The following MCPH1 variants were observed in gnomAD, a reference collection of about 807,000 sequenced individuals.
The protein encoded by MCPH1 is microcephalin 1, also known as microcephalin.
Under a neutral mutation model 84.5 loss-of-function variants are expected in MCPH1, and 104 were observed. The observed-to-expected ratio is 1.23, with a 90% CI of 1.05 to 1.45. The LOEUF is 1.45. Among genes scored for constraint, MCPH1 ranks in the 40% most tolerant of loss-of-function variants. The pLI, the probability that MCPH1 is intolerant of heterozygous loss-of-function variation, is 0.00. For synonymous variants in MCPH1, 514 were observed against 366.8 expected (o/e 1.40, Z -4.58); for missense variants, 1,498 against 1,005.7 (o/e 1.49, Z -6.62).
At chr8:6,479,145 T>C (rs142456377) in intron 10 of MCPH1, among the ~76,000 whole-genome samples, 27 of 152,216 alleles carry the variant, frequency 1.8e-4, no homozygotes, top group Admixed American at 7.8e-4. Flanking sequence ...GAATTGCCTA[T>C]AGTCCCAACT....
intron 9 of MCPH1, among the ~76,000 whole-genome samples, chr8:6,475,877 G>A (rs1808383561): frequency 6.6e-6 from 1 of 152,176 alleles, no homozygotes; most frequent in African/African-American, 2.4e-5. Context: ...GGGCAGCCAG[G>A]TAGACTGTCT....
At chr8:6,499,966 T>C in intron 12 of MCPH1, 37 bp downstream of exon 12, 1 of 1,559,476 alleles carries the variant, frequency 6.4e-7, no homozygotes, top group Non-Finnish European at 8.8e-7. Flanking sequence ...TAAATGCAGT[T>C]TGCTGTTCTC....
intron 12 of MCPH1, among the ~76,000 whole-genome samples, chr8:6,503,425 C>G (rs1812598695): frequency 6.6e-6 from 1 of 152,144 alleles, no homozygotes; most frequent in Non-Finnish European, 1.5e-5. Context: ...GGATTGTTTT[C>G]CAGCCATACA....
chr8:6,583,917 A>G (rs761626295), intron 12 of MCPH1, among the ~76,000 whole-genome samples: 1 of 124,554 alleles, frequency 8.0e-6, no homozygotes. Context: ...TAAATTTTGC[A>G]TTTTTACTAC....
At chr8:6,617,591 C>T (rs569843283) in intron 12 of MCPH1, among the ~76,000 whole-genome samples, 6 of 151,872 alleles carry the variant, frequency 4.0e-5, no homozygotes, top group South Asian at 4.2e-4. Flanking sequence ...ATGTCCTGCA[C>T]GCACTCCTGT....
Position 6,517,300 on chromosome 8 carries a change from A to C in MCPH1, c.2214+17371A>C, listed in dbSNP as rs964639590. On this transcript the variant is annotated intron_variant, in intron 12 of 13. Transcript: ENST00000344683. ...CTATAAAGCTTGATGTTTTTCAGCA[A>C]ATAATACTTGACTTGCTTCAACTCT... 2.0e-5 allele frequency among the ~76,000 whole-genome samples: 3 copies of C among 152,220 alleles called. No homozygotes were observed. In the East Asian group the frequency reaches 5.8e-4, roughly 29 times the overall value.
At chr8:6,560,678 T>A (rs1405896461) in intron 12 of MCPH1, among the ~76,000 whole-genome samples, 1 of 152,212 alleles carries the variant, frequency 6.6e-6, no homozygotes, top group Non-Finnish European at 1.5e-5. Flanking sequence ...ATTGTGCTAC[T>A]GCTGTTCAAA....
At chr8:6,576,048 TA>T (rs1233889020) in intron 12 of MCPH1, among the ~76,000 whole-genome samples, 202 of 4,534 alleles carry the variant, frequency 0.045, no homozygotes, top group African/African-American at 0.074. Context: ...AATACAGCCT[TA>T]AAAAAAAAAA....
In MCPH1 at chr8:6,588,244, T is replaced by C. The variant is rs375923978; in HGVS notation, c.2215-33210T>C. Among the ~76,000 whole-genome samples, 29 of 152,136 alleles carry C rather than the reference T, an allele frequency of 1.9e-4. No homozygotes were observed. In the South Asian group the frequency reaches 6.0e-3, roughly 32 times the overall value. On this transcript the variant is annotated intron_variant, in intron 12 of 13. Transcript: ENST00000344683. ...AGGGAATAGCAGCAGCTGCTCTCAG[T>C]GGGGCATTCTTTTTCCAGAGCCAGG...
chr8:6,526,089 C>T (rs1429124090), intron 12 of MCPH1, among the ~76,000 whole-genome samples: 8 of 151,950 alleles, frequency 5.3e-5, no homozygotes, highest in Non-Finnish European at 1.5e-5. Flanking sequence ...GGAATCACTG[C>T]AGCATTTTGA....
chr8:6,521,442 G>C (rs768438205), intron 12 of MCPH1: 5 of 1,428,342 alleles, frequency 3.5e-6, no homozygotes, highest in Non-Finnish European at 4.8e-6. Context: ...AGTTAGTGAA[G>C]GCTATTCTAA....
chr8:6,562,569 T>G, intron 12 of MCPH1: 6 of 375,332 alleles, frequency 1.6e-5, no homozygotes, highest in Admixed American at 1.6e-4. Flanking sequence ...TTTTTTTTTT[T>G]TTGGTTGTTA....
intron 12 of MCPH1, chr8:6,500,528 T>G (rs1272897852): frequency 6.5e-6 from 1 of 153,902 alleles, no homozygotes; most frequent in East Asian, 1.9e-4. Context: ...AGCTGAAAGA[T>G]AAATGGTGAT....
intron 12 of MCPH1, among the ~76,000 whole-genome samples, chr8:6,539,191 G>C (rs73507141): frequency 0.025 from 3,762 of 152,298 alleles, 145 homozygotes; most frequent in African/African-American, 0.084. Context: ...CAGAGCCTGG[G>C]GGGTAGGCAC....
chr8:6,420,224 G>C (rs565677557), intron 3 of MCPH1, among the ~76,000 whole-genome samples: 18 of 152,162 alleles, frequency 1.2e-4, no homozygotes, highest in Non-Finnish European at 2.1e-4. Context: ...CTCCCATTCA[G>C]ACCCCTTCCC....
intron 4 of MCPH1, among the ~76,000 whole-genome samples, chr8:6,435,825 A>G (rs934170096): frequency 6.6e-6 from 1 of 152,230 alleles, no homozygotes; most frequent in Non-Finnish European, 1.5e-5. Flanking sequence ...CTCACAAAGC[A>G]TAATACAGAG....
At chr8:6,601,522 G>GACACAC (rs144757663) in intron 12 of MCPH1, among the ~76,000 whole-genome samples, 65,689 of 143,712 alleles carry the variant, frequency 0.46, 16,359 homozygotes, top group Admixed American at 0.63. Context: ...CATCATATGG[G>GACACAC]ACACACACAC....
intron 13 of MCPH1, chr8:6,624,983 C>G (rs1831914195): frequency 3.4e-6 from 2 of 589,670 alleles, no homozygotes; most frequent in African/African-American, 2.0e-5. Flanking sequence ...TCAAGTGATT[C>G]TTCTGCCTCA....
intron 6 of MCPH1, among the ~76,000 whole-genome samples, chr8:6,439,859 T>C (rs1010473234): frequency 6.6e-6 from 1 of 152,254 alleles, no homozygotes. Context: ...TAAAAGTTCA[T>C]CTTGATACCC....
Sources: gnomAD v4.1 joint callset for allele counts (sites outside exome capture counted in the v4.1 genomes callset) on GRCh38, gnomAD v4.1.1 for gene constraint, MANE v1.5 for transcripts, NCBI Gene and HGNC (gene_info 2026-07-23, HGNC 2026-07-21) for gene names.